The following PARP8 variants were observed in gnomAD, a reference collection of about 807,000 sequenced individuals.
The protein encoded by PARP8 is protein mono-ADP-ribosyltransferase PARP8.
Under a neutral mutation model 124.1 loss-of-function variants are expected in PARP8, and 51 were observed. The ratio of observed to expected loss-of-function variants is 0.41; its 90% CI spans 0.33 to 0.52. The LOEUF (loss-of-function observed/expected upper bound fraction) is 0.52. Among genes scored for constraint, PARP8 ranks in the 20% least tolerant of loss-of-function variants. The pLI, the probability that PARP8 is intolerant of heterozygous loss-of-function variation, is 0.21. For synonymous variants in PARP8, 391 were observed against 361.5 expected (o/e 1.08, Z -0.93); for missense variants, 860 against 1,018.9 (o/e 0.84, Z 2.12).
At chr5:50,695,240 T>C (rs1752902715) in intron 2 of PARP8, among the ~76,000 whole-genome samples, 2 of 152,242 alleles carry the variant, frequency 1.3e-5, no homozygotes, top group African/African-American at 4.8e-5. Context: ...AATGAGAATA[T>C]TGCATTGTAG....
Position 50,703,771 on chromosome 5 carries a change from TGTG to T in PARP8, c.146+35650_146+35652del, listed in dbSNP as rs558133267. ...ACAAAAAATTTAAAAGTTAGCCAGGTGTGGTGTTGTGCACCTGTGGTCCGAGCT... is the reference window on the plus strand; with the variant it reads ...ACAAAAAATTTAAAAGTTAGCCAGGTGTGTTGTGCACCTGTGGTCCGAGCT... On this transcript the variant is annotated intron_variant, in intron 2 of 25. Transcript: ENST00000281631. 2.5e-3 allele frequency among the ~76,000 whole-genome samples: 376 copies of T among 152,140 alleles called. 1 individual carries two copies. Among genetic ancestry groups the T allele is most frequent in the African/African-American group, 8.5e-3 (353 of 41,494 alleles).
At chr5:50,680,568 A>G (rs1196534358) in intron 2 of PARP8, among the ~76,000 whole-genome samples, 1 of 152,192 alleles carries the variant, frequency 6.6e-6, no homozygotes, top group African/African-American at 2.4e-5. Flanking sequence ...CAATTAGCAA[A>G]TAAAAGAGTT....
intron 2 of PARP8, among the ~76,000 whole-genome samples, chr5:50,706,193 A>C (rs1238357883): frequency 6.6e-6 from 1 of 152,018 alleles, no homozygotes; most frequent in Non-Finnish European, 1.5e-5. Context: ...TGTTATTTTA[A>C]TTTGTACCTA....
intron 2 of PARP8, among the ~76,000 whole-genome samples, chr5:50,733,127 C>A (rs1325814064): frequency 6.6e-6 from 1 of 151,558 alleles, no homozygotes; most frequent in Admixed American, 6.6e-5. Context: ...CATGGTGAAA[C>A]CCAGTCTTTA....
At position 50,729,112 on chromosome 5, in the gene PARP8, A is replaced by G. The variant is rs557096796; in HGVS notation, c.147-21039A>G. Among the ~76,000 whole-genome samples, 8 of 152,270 alleles carry G rather than the reference A, an allele frequency of 5.3e-5. No individual in the cohort carries two copies. In the South Asian group the frequency reaches 1.7e-3, roughly 32 times the overall value. On this transcript the variant is annotated intron_variant, in intron 2 of 25. Transcript: ENST00000281631. The stretch of plus-strand genomic sequence containing the variant: ...TCTAAAGTGAAAATCTCATTCACCT[A>G]ACAAAATAAAACTAGATAAATTTTT...
chr5:50,667,885 C>T, intron 1 of PARP8, 186 bp from the exon 2 acceptor site: 1 of 1,495,632 alleles, frequency 6.7e-7, no homozygotes, highest in Non-Finnish European at 8.9e-7. Flanking sequence ...CGGCCTCCCG[C>T]TGCACCCAGT....
At chr5:50,759,844 A>G (rs1561340449) in intron 4 of PARP8, 112 bp downstream of exon 4, 9 of 1,214,734 alleles carry the variant, frequency 7.4e-6, no homozygotes, top group African/African-American at 1.6e-5. Context: ...TTCTGTGTCT[A>G]TAAATCCAGT....
chr5:50,702,862 C>T (rs932340821), intron 2 of PARP8, among the ~76,000 whole-genome samples: 10 of 152,282 alleles, frequency 6.6e-5, no homozygotes, highest in Middle Eastern at 3.4e-3. Flanking sequence ...ATTCTCCTAT[C>T]GTTCCTTAAG....
intron 10 of PARP8, 121 bp downstream of exon 10, chr5:50,788,710 A>T (rs1741597670): frequency 1.3e-6 from 1 of 774,924 alleles, no homozygotes. Flanking sequence ...AAGTCCCTCA[A>T]GAGAGGAAAT....
chr5:50,779,437 A>T (rs1740416454), intron 9 of PARP8, among the ~76,000 whole-genome samples: 1 of 152,202 alleles, frequency 6.6e-6, no homozygotes, highest in Non-Finnish European at 1.5e-5. Flanking sequence ...ACAATGCTGG[A>T]CGTTCAAATG....
rs182452734 is a variant in PARP8, at chr5:50,677,548, G to A, written c.146+9423G>A. 2.0e-3 allele frequency among the ~76,000 whole-genome samples: 297 copies of A among 152,278 alleles called. 3 individuals carry two copies. The highest frequency in any genetic ancestry group is 6.8e-3 in the African/African-American group (281 of 41,548). On this transcript the variant is annotated intron_variant, in intron 2 of 25. Coordinates refer to ENST00000281631, the MANE Select transcript of PARP8 (RefSeq NM_024615.4). ...ATGGTGATTTCAGTTTCAGTTAGGT[G>A]ATTTCAATGAGAATTGTATTTGGCT...
intron 10 of PARP8, 78 bp downstream of exon 10, chr5:50,788,667 A>G: frequency 8.3e-7 from 1 of 1,204,064 alleles, no homozygotes; most frequent in Non-Finnish European, 1.2e-6. Context: ...AAACAAACAA[A>G]CAAAAACCTA....
At chr5:50,672,768 C>G (rs573120312) in intron 2 of PARP8, among the ~76,000 whole-genome samples, 225 of 152,072 alleles carry the variant, frequency 1.5e-3, no homozygotes, top group Non-Finnish European at 2.7e-3. Context: ...CATGGGATGC[C>G]ATCAGGAGAG....
chr5:50,722,012 C>T, intron 2 of PARP8, among the ~76,000 whole-genome samples: 1 of 151,960 alleles, frequency 6.6e-6, no homozygotes, highest in Admixed American at 6.6e-5. Flanking sequence ...AGTAGCTGAA[C>T]CAAATTTTAT....
intron 2 of PARP8, among the ~76,000 whole-genome samples, chr5:50,734,942 A>T (rs1757329988): frequency 6.6e-6 from 1 of 152,144 alleles, no homozygotes; most frequent in South Asian, 2.1e-4. Context: ...CCATCCTAAA[A>T]TTCAAATCAT....
rs565004274 is a variant in PARP8, at chr5:50,811,899, T to C, written c.1576-3533T>C. ...TGATGATTTCCAGCTTCATCCATGTTGCTACAAAGGACATGAACTCATCCT... is the reference window on the plus strand; with the variant it reads ...TGATGATTTCCAGCTTCATCCATGTCGCTACAAAGGACATGAACTCATCCT... On this transcript the variant is annotated intron_variant, in intron 14 of 25. Transcript: ENST00000281631. Among the ~76,000 whole-genome samples, 9 of 152,252 alleles carry C rather than the reference T, an allele frequency of 5.9e-5. 1 individual carries two copies. The highest frequency in any genetic ancestry group is 2.0e-4 in the Admixed American group (3 of 15,278).
At chr5:50,747,842 G>A (rs1403770458) in intron 2 of PARP8, among the ~76,000 whole-genome samples, 4 of 132,130 alleles carry the variant, frequency 3.0e-5, no homozygotes, top group Admixed American at 9.4e-5. Flanking sequence ...GCGCGATCTC[G>A]GCTCACTTCA....
chr5:50,807,812 A>C (rs1744025499), intron 14 of PARP8, among the ~76,000 whole-genome samples: 1 of 152,022 alleles, frequency 6.6e-6, no homozygotes, highest in South Asian at 2.1e-4. Flanking sequence ...TCCCACATCA[A>C]CATGTGATAT....
intron 9 of PARP8, 22 bp from the exon 10 acceptor site, chr5:50,788,501 T>C: frequency 1.2e-6 from 2 of 1,608,668 alleles, no homozygotes; most frequent in Non-Finnish European, 8.5e-7. Flanking sequence ...AATATGTGAC[T>C]GTGATCCTTT....
Sources: allele counts gnomAD v4.1 joint callset (sites outside exome capture counted in the v4.1 genomes callset), GRCh38; gene constraint gnomAD v4.1.1; transcripts MANE v1.5; gene names NCBI Gene and HGNC (gene_info 2026-07-23, HGNC 2026-07-21).